Variants in CKAP4 observed in about 807,000 individuals in gnomAD.
CKAP4 encodes cytoskeleton associated protein 4.
A neutral mutation model predicts 24.4 loss-of-function variants in CKAP4; 20 were observed. The observed-to-expected ratio is 0.82, with a 90% CI of 0.58 to 1.19. The LOEUF is 1.19. CKAP4 is among the 50% of genes most tolerant of loss of function. CKAP4 has a pLI of 0.00. For synonymous variants in CKAP4, 378 were observed against 351.7 expected (o/e 1.07, Z -0.84); for missense variants, 744 against 765.3 (o/e 0.97, Z 0.33).
rs1336826137 is a variant in CKAP4 at position 106,241,552 on chromosome 12, C to T, written c.484-1203G>A. 2.6e-5 allele frequency among the ~76,000 whole-genome samples: 4 copies of T among 152,146 alleles called. No homozygotes were observed. In the East Asian group the frequency reaches 7.7e-4, roughly 29 times the overall value. On this transcript the variant is annotated intron_variant, in intron 1 of 1. Transcript: ENST00000378026. ...GTTTCACCGTTTTAGCCGGGATGGT[C>T]TCGATCTCCTGACCTCGTGATCCGC...
In CKAP4 at chr12:106,247,519, G is replaced by A. The variant is rs61942134; in HGVS notation, c.333C>T (p.Leu111=). The A allele has an allele frequency of 0.041, 62,936 of 1,534,868 alleles. 1,877 individuals carry two copies. Among genetic ancestry groups the A allele is most frequent in the South Asian group, 0.14 (11,359 of 83,460 alleles). Residue 111 remains leucine, a synonymous_variant, in exon 1 of 2, where the codon CTC becomes CTT. Transcript: ENST00000378026. The surrounding 1 kb of genome is among the most constrained non-coding windows in gnomAD (Gnocchi z 4.5). Reference sequence around the variant, plus strand: ...CCGCCGCCACCAGGGCGAGGTAGAAGAGAAAGTTGAGCGCCCTGCCGAGCC... The same window carrying A: ...CCGCCGCCACCAGGGCGAGGTAGAAAAGAAAGTTGAGCGCCCTGCCGAGCC... ...SRRLGRALNF[L]FYLALVAAAA...
At chr12:106,244,685 GA>G (rs1483514256) in intron 1 of CKAP4, among the ~76,000 whole-genome samples, 1 of 152,180 alleles carries the variant, frequency 6.6e-6, no homozygotes, top group African/African-American at 2.4e-5. Flanking sequence ...AGCTACTTGT[GA>G]GGCTGAGGCA....
chr12:106,238,176 T>G lies in CKAP4; in HGVS notation c.*848A>C, dbSNP rs1235321959. Reference sequence around the variant, plus strand: ...GGACATCATGTTAAAATAAAAGGACTTGGCCTGCATTCCCCAGGGAGACCC... The same window carrying G: ...GGACATCATGTTAAAATAAAAGGACGTGGCCTGCATTCCCCAGGGAGACCC... On this transcript the variant is annotated 3_prime_UTR_variant, in exon 2 of 2. Coordinates refer to ENST00000378026, the MANE Select transcript of CKAP4 (RefSeq NM_006825.4). 2 of 152,410 alleles carry G rather than the reference T, an allele frequency of 1.3e-5. No individual in the cohort carries two copies. Among genetic ancestry groups the G allele is most frequent in the Non-Finnish European group, 2.9e-5 (2 of 68,028 alleles). 9.4% of individuals were successfully genotyped at this position (152,410 alleles called of 1,614,324 possible). A position where few individuals can be genotyped will look rare whatever the true frequency, so the allele number is the denominator to read the frequency against.
In CKAP4 at chr12:106,247,438, C is replaced by A; in HGVS notation, c.414G>T (p.Arg138=). 6.5e-7 allele frequency: 1 copy of A among 1,544,288 alleles called. No individual in the cohort carries two copies. Residue 138 remains arginine, a synonymous_variant, in exon 1 of 2, where the codon CGG becomes CGT. Transcript: ENST00000378026. The surrounding 1 kb of genome is among the most constrained non-coding windows in gnomAD (Gnocchi z 4.5). ...HHVLEEVQQV[R]RSHQDFSRQR... ...GCCGGGAGAAGTCCTGGTGGCTGCGCCGGACCTGCTGGACCTCCTCCAGGA... is the reference window on the plus strand; with the variant it reads ...GCCGGGAGAAGTCCTGGTGGCTGCGACGGACCTGCTGGACCTCCTCCAGGA...
At chr12:106,241,392 G>A (rs2033969513) in intron 1 of CKAP4, among the ~76,000 whole-genome samples, 1 of 149,730 alleles carries the variant, frequency 6.7e-6, no homozygotes, top group South Asian at 2.1e-4. Context: ...GAGTGCAGTG[G>A]CGGGATCTCG....
intron 1 of CKAP4, chr12:106,246,988 G>T (rs865829757): frequency 1.7e-5 from 3 of 181,482 alleles, no homozygotes; most frequent in African/African-American, 4.7e-5. Flanking sequence ...TTTTCAGACA[G>T]CTCTGCCCAT....
In CKAP4 at chr12:106,247,091, C is replaced by A; in HGVS notation, c.483+278G>T. 1 of 401,386 alleles carries A rather than the reference C, an allele frequency of 2.5e-6. No individual in the cohort carries two copies. Among genetic ancestry groups the A allele is most frequent in the Admixed American group, 4.5e-5 (1 of 22,422 alleles). 24.9% of individuals were successfully genotyped at this position (401,386 alleles called of 1,614,324 possible). On this transcript the variant is annotated intron_variant, in intron 1 of 1. Transcript: ENST00000378026. This position sits in a 1 kb window ranked among gnomAD's most constrained non-coding sequence, Gnocchi z 4.5. ...AATGCCCTGTGACAGGCCCTTGGCC[C>A]ACCCTGCCAGGCGGGCCTGGGCATC...
chr12:106,241,927 T>G (rs1592897519), intron 1 of CKAP4, among the ~76,000 whole-genome samples: 1 of 150,062 alleles, frequency 6.7e-6, no homozygotes, highest in South Asian at 2.1e-4. Context: ...AGGGGAAGAG[T>G]GCCGATGGAA....
intron 1 of CKAP4, among the ~76,000 whole-genome samples, chr12:106,244,704 C>T (rs2033993587): frequency 6.6e-6 from 1 of 152,182 alleles, no homozygotes; most frequent in Admixed American, 6.5e-5. Context: ...GCAAGAGGAA[C>T]ACTTGAGGCC....
At chr12:106,243,603 G>T (rs1280097307) in intron 1 of CKAP4, among the ~76,000 whole-genome samples, 2 of 152,192 alleles carry the variant, frequency 1.3e-5, no homozygotes, top group East Asian at 3.8e-4. Context: ...CTCTTCAGAG[G>T]GCCTAGAGAT....
At chr12:106,244,247 GAGTTAGACAAC>G (rs2033990008) in intron 1 of CKAP4, among the ~76,000 whole-genome samples, 1 of 152,266 alleles carries the variant, frequency 6.6e-6, no homozygotes, top group Non-Finnish European at 1.5e-5. Flanking sequence ...AGTGTTCCAG[GAGTTAGACAAC>G]AGTTTGGATC....
At position 106,247,967 on chromosome 12, in the gene CKAP4, G is replaced by A; in HGVS notation, c.-116C>T. The A allele has an allele frequency of 1.6e-6, 1 of 642,656 alleles. No individual in the cohort carries two copies. Among genetic ancestry groups the A allele is most frequent in the Non-Finnish European group, 1.9e-6 (1 of 513,796 alleles). 39.8% of individuals were successfully genotyped at this position (642,656 alleles called of 1,614,324 possible). ...GGGCGAGCGGCACGCGGGCGCTGCT[G>A]GCGTCGGAGCGGCGAGAGGACGCGC... On this transcript the variant is annotated 5_prime_UTR_variant, in exon 1 of 2. Coordinates refer to ENST00000378026, the MANE Select transcript of CKAP4 (RefSeq NM_006825.4). This position sits in a 1 kb window ranked among gnomAD's most constrained non-coding sequence, Gnocchi z 4.5.
At chr12:106,241,604 A>G (rs2033971712) in intron 1 of CKAP4, among the ~76,000 whole-genome samples, 1 of 152,142 alleles carries the variant, frequency 6.6e-6, no homozygotes. Flanking sequence ...AAGTGCTGGG[A>G]TTACAGGCGT....
Position 106,239,751 on chromosome 12 carries a change from T to C in CKAP4, c.1082A>G (p.Glu361Gly). The C allele has an allele frequency of 6.2e-7, 1 of 1,613,522 alleles. No individual in the cohort carries two copies. Among genetic ancestry groups the C allele is most frequent in the Non-Finnish European group, 8.5e-7 (1 of 1,179,852 alleles). ...ALTEKLLRSE[E>G]SVSRLPEEIR... ...CTCCTCCGGGAGGCGGGAGACGGAC[T>C]CCTCAGACCTGAGAAGCTTCTCCGT... is the stretch of plus-strand genomic sequence containing the variant. The change falls in exon 2 of 2, where the codon GAG (glutamate) becomes GGG (glycine). Residue 361 changes from glutamate to glycine, a missense_variant. Physicochemically the swap from Glu to Gly is moderately conservative, Grantham distance 98. Coordinates refer to ENST00000378026, the MANE Select transcript of CKAP4 (RefSeq NM_006825.4). This position sits in a 1 kb window ranked among gnomAD's most constrained non-coding sequence, Gnocchi z 4.9.
At position 106,240,020 on chromosome 12, in the gene CKAP4, T is replaced by C. The variant is rs1187770004; in HGVS notation, c.813A>G (p.Ala271=). The C allele has an allele frequency of 5.6e-6, 9 of 1,614,072 alleles. No individual in the cohort carries two copies. The highest frequency in any genetic ancestry group is 8.5e-7 in the Non-Finnish European group (1 of 1,180,046). ...RSQKEINDMK[A]KVASLEESEG... is the part of the protein sequence containing the mutation. ...CAGATTCTTCCAGGGAGGCAACCTTTGCCTTCATGTCATTGATCTCCTTCT... is the reference window on the plus strand; with the variant it reads ...CAGATTCTTCCAGGGAGGCAACCTTCGCCTTCATGTCATTGATCTCCTTCT... The change falls in exon 2 of 2, where the codon GCA becomes GCG. Residue 271 remains alanine, a synonymous_variant. Transcript: ENST00000378026.
In CKAP4 at chr12:106,247,581, CGGCAGCGGCGGCGGA is replaced by C; in HGVS notation, c.256_270del (p.Ser86_Ala90del). Reference sequence around the variant, plus strand: ...GACGCCGAGGACGAGGCGGCGGCGGCGGCAGCGGCGGCGGAGGCGGAGGAGGAGGAGGAGGACTTG... The same window carrying C: ...GACGCCGAGGACGAGGCGGCGGCGGCGGCGGAGGAGGAGGAGGAGGACTTG... On this transcript the variant is annotated inframe_deletion, in exon 1 of 2. Transcript: ENST00000378026. The surrounding 1 kb of genome is among the most constrained non-coding windows in gnomAD (Gnocchi z 4.5). The C allele has an allele frequency of 1.5e-6, 2 of 1,365,064 alleles. No homozygotes were observed. Among genetic ancestry groups the C allele is most frequent in the Non-Finnish European group, 9.5e-7 (1 of 1,053,550 alleles). 84.6% of individuals were successfully genotyped at this position (1,365,064 alleles called of 1,614,324 possible).
In CKAP4 at chr12:106,247,530, G is replaced by A. The variant is rs1436265650; in HGVS notation, c.322C>T (p.Leu108Phe). Residue 108 changes from leucine to phenylalanine, a missense_variant, in exon 1 of 2, where the codon CTC becomes TTC. Physicochemically the swap from Leu to Phe is conservative, Grantham distance 22. Around this residue, in one of 3 missense-constraint regions of CKAP4, gnomAD observed 300 missense variants for 264.5 expected, o/e 1.13. Transcript: ENST00000378026. The surrounding 1 kb of genome is among the most constrained non-coding windows in gnomAD (Gnocchi z 4.5). ...AGGGCGAGGTAGAAGAGAAAGTTGA[G>A]CGCCCTGCCGAGCCTGCGCGAGCAG... ...ASCSRRLGRALNFLFYLALVA... is the reference protein window; with the variant it reads ...ASCSRRLGRAFNFLFYLALVA... 1 of 1,515,104 alleles carries A rather than the reference G, an allele frequency of 6.6e-7. No individual in the cohort carries two copies. The highest frequency in any genetic ancestry group is 8.8e-7 in the Non-Finnish European group (1 of 1,134,894). The allele number at this position is 1,515,104 out of a possible 1,614,324, so 93.9% of individuals were successfully genotyped here.
At chr12:106,241,457 C>A (rs564510043) in intron 1 of CKAP4, among the ~76,000 whole-genome samples, 1 of 150,532 alleles carries the variant, frequency 6.6e-6, no homozygotes, top group Admixed American at 6.6e-5. Context: ...CTCAGCCTCC[C>A]GAGTAGCTGG....
chr12:106,247,708 C>T lies in CKAP4; in HGVS notation c.144G>A (p.Ala48=). 1.0e-6 allele frequency: 1 copy of T among 990,296 alleles called. No individual in the cohort carries two copies. The highest frequency in any genetic ancestry group is 1.2e-6 in the Non-Finnish European group (1 of 856,906). The allele number at this position is 990,296 out of a possible 1,614,324, so 61.3% of individuals were successfully genotyped here. A position where few individuals can be genotyped will look rare whatever the true frequency, so the allele number is the denominator to read the frequency against. ...PAPQQPPPPP[A]PHPQQHPQQH... ...GCTGCGGGTGCTGCTGCGGGTGCGG[C>T]GCGGGCGGCGGCGGCGGCTGCTGCG... Residue 48 remains alanine, a synonymous_variant, in exon 1 of 2, where the codon GCG becomes GCA. Transcript: ENST00000378026. The surrounding 1 kb of genome is among the most constrained non-coding windows in gnomAD (Gnocchi z 4.5).
Sources: allele counts gnomAD v4.1 joint callset (sites outside exome capture counted in the v4.1 genomes callset), GRCh38; gene constraint gnomAD v4.1.1; regional missense constraint gnomAD v4.1.1; non-coding constraint Gnocchi (gnomAD v3.1); transcripts MANE v1.5; gene names NCBI Gene and HGNC (gene_info 2026-07-23, HGNC 2026-07-21).